NBPF15: variants seen among roughly 807,000 people sequenced by gnomAD.
The protein encoded by NBPF15 is NBPF member 15.
Under a neutral mutation model 62.2 loss-of-function variants are expected in NBPF15, and 74 were observed. The observed-to-expected ratio is 1.19, with a 90% confidence interval of 0.99 to 1.44. NBPF15 has a LOEUF of 1.44. Ranked by LOEUF, NBPF15 falls within the 40% of genes most tolerant of loss-of-function variation. NBPF15 has a pLI of 0.00. For missense variants in NBPF15, 790 were observed against 550.0 expected (o/e 1.44, Z -4.36); for synonymous variants, 244 against 209.7 (o/e 1.16, Z -1.41).
At chr1:144,454,983 T>C (rs1374592691) in intron 4 of NBPF15, among the ~76,000 whole-genome samples, 2 of 151,512 alleles carry the variant, frequency 1.3e-5, no homozygotes, top group African/African-American at 4.9e-5. Flanking sequence ...CAGTGTGGTC[T>C]TTTTTAAAAA....
At chr1:144,453,679 C>T (rs1243284303) in intron 4 of NBPF15, among the ~76,000 whole-genome samples, 1 of 129,590 alleles carries the variant, frequency 7.7e-6, no homozygotes, top group Non-Finnish European at 1.7e-5. Flanking sequence ...CATCTGAACA[C>T]CTCATTAATA....
chr1:144,435,651 G>C (rs1246219117), intron 11 of NBPF15, 130 bp downstream of exon 11: 1 of 1,543,556 alleles, frequency 6.5e-7, no homozygotes, highest in Non-Finnish European at 8.9e-7. Context: ...TCTAAGCTGG[G>C]TTATATTTCA....
intron 15 of NBPF15, among the ~76,000 whole-genome samples, 188 bp from the exon 16 acceptor site, chr1:144,428,178 G>GACACAC (rs782021320): frequency 0.02 from 2,714 of 132,470 alleles, 55 homozygotes; most frequent in South Asian, 0.06. Flanking sequence ...GAAAGAGAAA[G>GACACAC]ACACACACAC....
Position 144,429,479 on chromosome 1 carries a change from A to G in NBPF15, c.988+221T>C, listed in dbSNP as rs1415808255. On this transcript the variant is annotated intron_variant, in intron 14 of 21. Coordinates refer to ENST00000581897, the MANE Select transcript of NBPF15 (RefSeq NM_001385408.1). ...GTCGTGACAGTCAGTCCAGGTTGGC[A>G]CGGGCATGGCCTGAGACTAGGAAGA... is the stretch of plus-strand genomic sequence containing the variant. Among the ~76,000 whole-genome samples, 6 of 150,464 alleles carry G rather than the reference A, an allele frequency of 4.0e-5. No homozygotes were observed. The East Asian group carries it at 1.2e-3, about 29-fold the overall frequency.
At position 144,440,287 on chromosome 1, in the gene NBPF15, G is replaced by C; in HGVS notation, c.-182C>G. 23 of 1,462,718 alleles carry C rather than the reference G, an allele frequency of 1.6e-5. No individual in the cohort carries two copies. Among genetic ancestry groups the C allele is most frequent in the Non-Finnish European group, 2.1e-5 (23 of 1,093,704 alleles). The allele number at this position is 1,462,718 out of a possible 1,614,324, so 90.6% of individuals were successfully genotyped here. A position where few individuals can be genotyped will look rare whatever the true frequency, so the allele number is the denominator to read the frequency against. The stretch of plus-strand genomic sequence containing the variant: ...GAGGTAGATTGTGGCCAGCGTGCCA[G>C]GTAACCGTCTGCAGTTGCAATAACA... On this transcript the variant is annotated 5_prime_UTR_variant, in exon 7 of 22. Transcript: ENST00000581897.
chr1:144,438,614 A>G (rs1443305813), intron 8 of NBPF15, among the ~76,000 whole-genome samples: 4 of 152,066 alleles, frequency 2.6e-5, no homozygotes, highest in Admixed American at 1.3e-4. Flanking sequence ...CCCAAATGCT[A>G]ATAAAGTTTG....
chr1:144,434,835 C>G (rs1196127504), intron 12 of NBPF15, among the ~76,000 whole-genome samples: 6 of 152,090 alleles, frequency 3.9e-5, no homozygotes, highest in South Asian at 4.2e-4. Context: ...GATACTGAAT[C>G]GAAGCTAGGA....
chr1:144,461,009 A>G (rs1170729014), intron 1 of NBPF15, 48 bp from the exon 2 acceptor site: 1 of 150,948 alleles, frequency 6.6e-6, no homozygotes. Flanking sequence ...TAAAGACCCC[A>G]ACTTTGCAAG....
chr1:144,422,996 G>A lies in NBPF15; in HGVS notation c.*17C>T, dbSNP rs782771379. 72 of 1,611,456 alleles carry A rather than the reference G, an allele frequency of 4.5e-5. 1 individual carries two copies. Among genetic ancestry groups the A allele is most frequent in the Admixed American group, 1.2e-4 (7 of 59,950 alleles). The stretch of plus-strand genomic sequence containing the variant: ...CCTGCCTGCAGGAATGACATCTCTC[G>A]GCTTAGTAAGAGCTGCTTATTGTGG... On this transcript the variant is annotated 3_prime_UTR_variant, in exon 22 of 22. Coordinates refer to ENST00000581897, the MANE Select transcript of NBPF15 (RefSeq NM_001385408.1).
intron 2 of NBPF15, 101 bp from the exon 3 acceptor site, chr1:144,459,584 C>A (rs1292102164): frequency 6.6e-6 from 1 of 151,536 alleles, no homozygotes; most frequent in East Asian, 1.9e-4. Flanking sequence ...AAGGGAAATG[C>A]AATACATATA....
At chr1:144,423,329 A>G (rs1667081725) in intron 21 of NBPF15, 73 bp from the exon 22 acceptor site, 3 of 1,610,972 alleles carry the variant, frequency 1.9e-6, no homozygotes, top group Middle Eastern at 2.2e-4. Context: ...AGATTTCAGA[A>G]GTAATATAAG....
intron 4 of NBPF15, among the ~76,000 whole-genome samples, chr1:144,455,557 G>T (rs1446185681): frequency 1.3e-5 from 2 of 151,912 alleles, no homozygotes; most frequent in African/African-American, 4.8e-5. Flanking sequence ...TGAGACAGTG[G>T]ATCCCAGAAC....
chr1:144,428,425 T>G (rs9438171), intron 15 of NBPF15, among the ~76,000 whole-genome samples, 181 bp downstream of exon 15: 71 of 144,488 alleles, frequency 4.9e-4, no homozygotes, highest in African/African-American at 1.7e-3. Flanking sequence ...AAATGATAAG[T>G]GTAGGAAGAA....
chr1:144,432,877 T>C (rs1675512411), intron 13 of NBPF15, among the ~76,000 whole-genome samples: 1 of 151,752 alleles, frequency 6.6e-6, no homozygotes, highest in Non-Finnish European at 1.5e-5. Flanking sequence ...CACCCCACTG[T>C]CAATATTAGA....
At chr1:144,447,915 G>C (rs1293244904) in intron 6 of NBPF15, among the ~76,000 whole-genome samples, 1 of 152,008 alleles carries the variant, frequency 6.6e-6, no homozygotes, top group Non-Finnish European at 1.5e-5. Context: ...CAAGAGAATA[G>C]AAGAGATGCT....
intron 10 of NBPF15, among the ~76,000 whole-genome samples, chr1:144,436,152 C>T (rs1345053309): frequency 6.6e-6 from 1 of 152,072 alleles, no homozygotes; most frequent in Non-Finnish European, 1.5e-5. Context: ...CTCCCCCATC[C>T]TGCCAGATCT....
At chr1:144,433,345 A>G (rs1456701262) in intron 13 of NBPF15, among the ~76,000 whole-genome samples, 1 of 152,094 alleles carries the variant, frequency 6.6e-6, no homozygotes, top group Non-Finnish European at 1.5e-5. Flanking sequence ...CACAAGAGAA[A>G]GCAGAAAAGA....
Position 144,422,947 on chromosome 1 carries a change from T to A in NBPF15, c.*66A>T. 1.9e-6 allele frequency: 3 copies of A among 1,611,552 alleles called. No homozygotes were observed. The highest frequency in any genetic ancestry group is 2.3e-4 in the Middle Eastern group (1 of 4,430). On this transcript the variant is annotated 3_prime_UTR_variant, in exon 22 of 22. Transcript: ENST00000581897. Reference sequence around the variant, plus strand: ...CTTCCAAATGGAACTGTACTTTCATTCAAATCTTCTCGTGCCTATAGGTCC... The same window carrying A: ...CTTCCAAATGGAACTGTACTTTCATACAAATCTTCTCGTGCCTATAGGTCC...
intron 4 of NBPF15, among the ~76,000 whole-genome samples, chr1:144,451,266 T>C (rs1283199798): frequency 1.1e-4 from 16 of 152,118 alleles, no homozygotes; most frequent in Admixed American, 2.6e-4. Flanking sequence ...GCTGCCAGCA[T>C]GTCCCACCTC....
Sources: gnomAD v4.1 joint callset for allele counts (sites outside exome capture counted in the v4.1 genomes callset) on GRCh38, gnomAD v4.1.1 for gene constraint, MANE v1.5 for transcripts, NCBI Gene and HGNC (gene_info 2026-07-23, HGNC 2026-07-21) for gene names.